Variants in NCOA1 observed in about 807,000 individuals in gnomAD.
The protein encoded by NCOA1 is Hin-2 protein.
Under a neutral mutation model 150.9 loss-of-function variants are expected in NCOA1, and 35 were observed. The observed-to-expected ratio is 0.23, with a 90% CI of 0.18 to 0.31. The LOEUF is 0.31. Among genes scored for constraint, NCOA1 ranks in the 10% least tolerant of loss-of-function variants. The pLI, the probability that NCOA1 is intolerant of heterozygous loss-of-function variation, is 1.00. For missense variants in NCOA1, 1,491 were observed against 1,749.3 expected, an observed-to-expected ratio of 0.85 and a Z score of 2.63; for synonymous variants, 590 against 630.0, an observed-to-expected ratio of 0.94 and a Z score of 0.95.
At chr2:24,713,236 ATAAT>A (rs150157378) in intron 14 of NCOA1, among the ~76,000 whole-genome samples, 4,184 of 152,026 alleles carry the variant, frequency 0.028, 162 homozygotes, top group African/African-American at 0.09. Flanking sequence ...TATCTCAAAA[ATAAT>A]TAATTAATTA....
chr2:24,618,305 ACTTTGCTGCTCAGCTGCCAAG>A (rs1668965280), intron 3 of NCOA1, among the ~76,000 whole-genome samples: 1 of 152,154 alleles, frequency 6.6e-6, no homozygotes, highest in Non-Finnish European at 1.5e-5. Flanking sequence ...CAGCCTCTTG[ACTTTGCTGCTCAGCTGCCAAG>A]CTCCCTTCCT....
chr2:24,543,140 C>T (rs1005832946), intron 1 of NCOA1, among the ~76,000 whole-genome samples: 2 of 152,152 alleles, frequency 1.3e-5, no homozygotes, highest in East Asian at 3.8e-4. Flanking sequence ...CTTAGTGCTC[C>T]ATCTAGGGGC....
chr2:24,693,577 ATTTG>A (rs1052515333), intron 10 of NCOA1, among the ~76,000 whole-genome samples: 8 of 152,160 alleles, frequency 5.3e-5, no homozygotes, highest in African/African-American at 1.2e-4. Context: ...ATATACCTAT[ATTTG>A]TTTGATTACA....
chr2:24,530,893 T>C (rs72803290), intron 1 of NCOA1, among the ~76,000 whole-genome samples: 7,887 of 152,274 alleles, frequency 0.052, 294 homozygotes, highest in East Asian at 0.2. Context: ...AGATTTCTTA[T>C]ATATCAGACT....
At chr2:24,576,858 C>T (rs547040166) in intron 2 of NCOA1, among the ~76,000 whole-genome samples, 2 of 152,078 alleles carry the variant, frequency 1.3e-5, no homozygotes, top group African/African-American at 2.4e-5. Context: ...GTTTCAGTGT[C>T]GGGTACCTAC....
chr2:24,702,827 T>C (rs977732210), intron 11 of NCOA1, among the ~76,000 whole-genome samples: 8 of 152,158 alleles, frequency 5.3e-5, no homozygotes, highest in African/African-American at 1.9e-4. Context: ...AAACTAAACC[T>C]TGAAACCCAC....
At chr2:24,548,960 T>C (rs993909205) in intron 1 of NCOA1, among the ~76,000 whole-genome samples, 5 of 152,272 alleles carry the variant, frequency 3.3e-5, no homozygotes, top group Middle Eastern at 3.4e-3. Context: ...GTCTGGAGGA[T>C]GGTGGCCCTC....
chr2:24,752,323 G>A (rs765818506), intron 20 of NCOA1, among the ~76,000 whole-genome samples, 167 bp downstream of exon 20: 12 of 152,180 alleles, frequency 7.9e-5, no homozygotes, highest in Non-Finnish European at 1.8e-4. Flanking sequence ...CCGTTCCCCC[G>A]TTTATGTGTG....
intron 3 of NCOA1, among the ~76,000 whole-genome samples, chr2:24,591,199 A>G (rs1347454728): frequency 2.0e-5 from 3 of 152,238 alleles, no homozygotes; most frequent in South Asian, 4.1e-4. Context: ...TGAGCAAGAA[A>G]TAATTTAAGC....
In NCOA1 at chr2:24,491,489, G is replaced by A. The variant is rs1218543875; in HGVS notation, c.-509G>A. On this transcript the variant is annotated 5_prime_UTR_variant, in exon 1 of 23. Transcript: ENST00000348332. ...GGGGACCCCTGCTCCGGAGGAGGGG[G>A]CCGGAGAGCCGCGGCGCCGGGCCCG... Among the ~76,000 whole-genome samples the A allele has an allele frequency of 1.4e-5, 2 of 147,666 alleles. No homozygotes were observed. Among genetic ancestry groups the A allele is most frequent in the African/African-American group, 2.4e-5 (1 of 41,022 alleles).
At position 24,626,002 on chromosome 2, in the gene NCOA1, A is replaced by G. The variant is rs188818174; in HGVS notation, c.-174-17964A>G. Among the ~76,000 whole-genome samples, 86 of 152,284 alleles carry G rather than the reference A, an allele frequency of 5.6e-4. 1 individual carries two copies. In the East Asian group the frequency reaches 9.8e-3, roughly 17 times the overall value. ...TAGTTGTTGGATATAGTGTTCTAAA[A>G]ATGTCACTTAGGTTGAGGTGGCTGA... On this transcript the variant is annotated intron_variant, in intron 3 of 22. Transcript: ENST00000348332.
intron 1 of NCOA1, chr2:24,492,086 G>C (rs1195599533): frequency 6.6e-6 from 1 of 152,130 alleles, no homozygotes; most frequent in Non-Finnish European, 1.5e-5. Context: ...CCGCGAAATG[G>C]GGGCGACCGC....
chr2:24,542,076 G>A (rs2148196449), intron 1 of NCOA1, among the ~76,000 whole-genome samples: 1 of 152,296 alleles, frequency 6.6e-6, no homozygotes, highest in South Asian at 2.1e-4. Context: ...TTCAATTGAT[G>A]TTCCAGAGTT....
chr2:24,520,917 T>TCTTTAGCCGAACTAGCAA (rs6146684), intron 1 of NCOA1, among the ~76,000 whole-genome samples: 3 of 151,974 alleles, frequency 2.0e-5, no homozygotes, highest in African/African-American at 7.2e-5. Context: ...CCTTGCTCAT[T>TCTTTAGCCGAACTAGCAA]CTTTGCTGTT....
At chr2:24,517,721 G>C (rs1484300086) in intron 1 of NCOA1, among the ~76,000 whole-genome samples, 1 of 152,196 alleles carries the variant, frequency 6.6e-6, no homozygotes, top group Non-Finnish European at 1.5e-5. Context: ...CGTAGTTGTT[G>C]CTAGCTTTTT....
intron 1 of NCOA1, among the ~76,000 whole-genome samples, chr2:24,539,150 A>G (rs767374011): frequency 2.8e-5 from 4 of 141,482 alleles, no homozygotes; most frequent in Non-Finnish European, 4.8e-5. Context: ...CATTTAAGAG[A>G]TGGGGGTCTC....
Position 24,768,983 on chromosome 2 carries a change from A to T in NCOA1, c.*592A>T, listed in dbSNP as rs1665206249. The T allele has an allele frequency of 4.7e-6, 1 of 213,282 alleles. No homozygotes were observed. The highest frequency in any genetic ancestry group is 1.9e-4 in the South Asian group (1 of 5,358). The allele number at this position is 213,282 out of a possible 1,614,324, so 13.2% of individuals were successfully genotyped here. ...TGTACCCCTTCTCCTTTTTTTAAAGATGGATTTAAACCAAGATGCCTCCAG... is the reference window on the plus strand; with the variant it reads ...TGTACCCCTTCTCCTTTTTTTAAAGTTGGATTTAAACCAAGATGCCTCCAG... On this transcript the variant is annotated 3_prime_UTR_variant, in exon 23 of 23. Coordinates refer to ENST00000348332, the MANE Select transcript of NCOA1 (RefSeq NM_003743.5).
chr2:24,588,409 G>C (rs1292821129), intron 3 of NCOA1, among the ~76,000 whole-genome samples: 2 of 152,186 alleles, frequency 1.3e-5, no homozygotes, highest in African/African-American at 2.4e-5. Context: ...CAGAGACAAG[G>C]CTAATAGCGG....
chr2:24,736,580 C>T (rs745426120), intron 17 of NCOA1, among the ~76,000 whole-genome samples: 17 of 152,192 alleles, frequency 1.1e-4, no homozygotes, highest in Admixed American at 5.9e-4. Context: ...ATTTTACCTT[C>T]AGGTTTCTGG....
Sources: allele counts gnomAD v4.1 joint callset (sites outside exome capture counted in the v4.1 genomes callset), GRCh38; gene constraint gnomAD v4.1.1; transcripts MANE v1.5; gene names NCBI Gene and HGNC (gene_info 2026-07-23, HGNC 2026-07-21).